The following DLGAP2 variants were observed in gnomAD, a reference collection of about 807,000 sequenced individuals.
The protein encoded by DLGAP2 is DLG associated protein 2.
Under a neutral mutation model 100.3 loss-of-function variants are expected in DLGAP2, and 26 were observed. That is an observed-to-expected ratio of 0.26 (90% CI 0.19 to 0.36). The LOEUF is 0.36. DLGAP2 is among the 10% of genes least tolerant of loss of function. DLGAP2 has a pLI of 1.00. For synonymous variants in DLGAP2, 886 were observed against 630.1 expected (o/e 1.41, Z -6.08); for missense variants, 1,858 against 1,453.2 (o/e 1.28, Z -4.53).
intron 3 of DLGAP2, among the ~76,000 whole-genome samples, chr8:1,455,152 G>T (rs958130316): frequency 6.6e-6 from 1 of 152,232 alleles, no homozygotes; most frequent in African/African-American, 2.4e-5. Context: ...CGGCTGGTCT[G>T]AGAGCCCGTC....
At chr8:1,195,107 C>G (rs368610574) in intron 2 of DLGAP2, among the ~76,000 whole-genome samples, 25 of 152,260 alleles carry the variant, frequency 1.6e-4, no homozygotes, top group African/African-American at 5.5e-4. Flanking sequence ...ATCCTCATGG[C>G]TGCAGCAGGT....
At chr8:1,330,916 CAT>C (rs1801143138) in intron 3 of DLGAP2, among the ~76,000 whole-genome samples, 1 of 145,916 alleles carries the variant, frequency 6.9e-6, no homozygotes, top group African/African-American at 2.6e-5. Flanking sequence ...AGCACCACTT[CAT>C]GGGGACTGAG....
chr8:808,320 A>G (rs139694859), intron 1 of DLGAP2, among the ~76,000 whole-genome samples: 1 of 152,256 alleles, frequency 6.6e-6, no homozygotes, highest in East Asian at 1.9e-4. Context: ...CAGGAGAGTG[A>G]TGGTGCATTT....
intron 2 of DLGAP2, among the ~76,000 whole-genome samples, chr8:1,077,356 G>A (rs1803654983): frequency 6.6e-6 from 1 of 152,218 alleles, no homozygotes; most frequent in Admixed American, 6.5e-5. Context: ...ACACCTGTTA[G>A]TAAACACTCA....
intron 2 of DLGAP2, among the ~76,000 whole-genome samples, chr8:1,086,558 G>A (rs1386854992): frequency 6.6e-6 from 1 of 152,200 alleles, no homozygotes; most frequent in African/African-American, 2.4e-5. Flanking sequence ...CAGCCTGAGA[G>A]TGATGGAAAA....
At chr8:877,270 A>T (rs1286688158) in intron 1 of DLGAP2, among the ~76,000 whole-genome samples, 1 of 152,134 alleles carries the variant, frequency 6.6e-6, no homozygotes, top group African/African-American at 2.4e-5. Context: ...CTTGCCAGTG[A>T]TAGTGGTCCT....
intron 10 of DLGAP2, among the ~76,000 whole-genome samples, chr8:1,674,643 C>G (rs1399272691): frequency 1.3e-5 from 2 of 152,190 alleles, no homozygotes; most frequent in Non-Finnish European, 2.9e-5. Flanking sequence ...TTGGCAATAT[C>G]TACCAAAATT....
At chr8:913,438 A>G (rs796289690) in intron 2 of DLGAP2, among the ~76,000 whole-genome samples, 34 of 152,350 alleles carry the variant, frequency 2.2e-4, no homozygotes, top group African/African-American at 7.2e-4. Context: ...AGTTTGCGAT[A>G]GCTGCTGGCA....
intron 1 of DLGAP2, among the ~76,000 whole-genome samples, chr8:863,972 G>T (rs1328810417): frequency 6.6e-6 from 1 of 152,192 alleles, no homozygotes; most frequent in East Asian, 1.9e-4. Context: ...ATCAACAGGT[G>T]AATGGATAAA....
chr8:1,133,413 A>T (rs1796338725), intron 2 of DLGAP2, among the ~76,000 whole-genome samples: 1 of 152,176 alleles, frequency 6.6e-6, no homozygotes, highest in African/African-American at 2.4e-5. Flanking sequence ...AATAGGAGTC[A>T]TGAGAAATAT....
intron 3 of DLGAP2, among the ~76,000 whole-genome samples, chr8:1,364,507 G>A (rs940125951): frequency 1.5e-4 from 23 of 149,898 alleles, no homozygotes; most frequent in South Asian, 2.1e-4. Flanking sequence ...AAGGGCGGGG[G>A]GGGTGCAGCG....
In DLGAP2 at chr8:1,310,726, C is replaced by T. The variant is rs149065696; in HGVS notation, c.106+51843C>T. The stretch of plus-strand genomic sequence containing the variant: ...AGGCTGGAGTGCAGTAGTGCATTCT[C>T]GGCTCGCTGCAACCTCTACCTTCTG... On this transcript the variant is annotated intron_variant, in intron 3 of 14. Transcript: ENST00000637795. Among the ~76,000 whole-genome samples the T allele has an allele frequency of 2.5e-3, 377 of 152,140 alleles. 1 individual carries two copies. Among genetic ancestry groups the T allele is most frequent in the Middle Eastern group, 0.017 (5 of 294 alleles).
chr8:1,542,135 A>G (rs575105252), intron 4 of DLGAP2, among the ~76,000 whole-genome samples: 3 of 152,352 alleles, frequency 2.0e-5, no homozygotes, highest in South Asian at 2.1e-4. Flanking sequence ...TCTTTTCCTG[A>G]GTTCTAAAGC....
At chr8:1,279,659 C>T (rs1397663640) in intron 3 of DLGAP2, among the ~76,000 whole-genome samples, 1 of 152,242 alleles carries the variant, frequency 6.6e-6, no homozygotes. Context: ...AAGGTGTCAG[C>T]TTGTGAGGCT....
At chr8:1,549,910 T>C (rs575184465) in intron 5 of DLGAP2, among the ~76,000 whole-genome samples, 7 of 152,356 alleles carry the variant, frequency 4.6e-5, no homozygotes, top group Admixed American at 2.6e-4. Flanking sequence ...CTCTGGATGA[T>C]TTCCACCTAT....
intron 3 of DLGAP2, among the ~76,000 whole-genome samples, chr8:1,281,121 C>G (rs1441173827): frequency 6.6e-6 from 1 of 152,192 alleles, no homozygotes. Flanking sequence ...TCTTATAGTG[C>G]CTAACCCACC....
chr8:1,419,879 G>A (rs1797041774), intron 3 of DLGAP2, among the ~76,000 whole-genome samples: 1 of 152,196 alleles, frequency 6.6e-6, no homozygotes, highest in South Asian at 2.1e-4. Flanking sequence ...TGGTATCAGA[G>A]CTGCACCATT....
At chr8:796,092 C>CGTCCAGTGAGAGCAGCT (rs1227816887) in intron 1 of DLGAP2, among the ~76,000 whole-genome samples, 2,750 of 144,082 alleles carry the variant, frequency 0.019, 85 homozygotes, top group Non-Finnish European at 0.031. Context: ...TGAGAGCAGG[C>CGTCCAGTGAGAGCAGCT]GTCCAGTGAG....
At chr8:1,301,170 C>A (rs755277467) in intron 3 of DLGAP2, 1 of 152,384 alleles carries the variant, frequency 6.6e-6, no homozygotes, top group Non-Finnish European at 1.5e-5. Context: ...CTTCTGGCTC[C>A]GCCAGTGCTG....
Sources: allele counts gnomAD v4.1 joint callset (sites outside exome capture counted in the v4.1 genomes callset), GRCh38; gene constraint gnomAD v4.1.1; transcripts MANE v1.5; gene names NCBI Gene and HGNC (gene_info 2026-07-23, HGNC 2026-07-21).